The following SIM2 variants were observed in gnomAD, a reference collection of about 807,000 sequenced individuals.
The protein encoded by SIM2 is single-minded homolog 2.
A neutral mutation model predicts 64.8 loss-of-function variants in SIM2; 28 were observed. The observed-to-expected ratio is 0.43, with a 90% CI of 0.32 to 0.59. The LOEUF is 0.59. Among genes scored for constraint, SIM2 ranks in the 20% least tolerant of loss-of-function variants. SIM2 has a pLI of 0.07. For missense variants in SIM2, 847 were observed against 871.4 expected (o/e 0.97, Z 0.35); for synonymous variants, 408 against 391.1 (o/e 1.04, Z -0.51).
chr21:36,704,755 C>A (rs1485516882), intron 1 of SIM2, among the ~76,000 whole-genome samples: 1 of 152,220 alleles, frequency 6.6e-6, no homozygotes, highest in East Asian at 1.9e-4. Flanking sequence ...AGGATACCCG[C>A]GGGCGACAAG....
intron 8 of SIM2, among the ~76,000 whole-genome samples, chr21:36,742,346 G>T (rs2123501743): frequency 6.6e-6 from 1 of 151,678 alleles, no homozygotes; most frequent in African/African-American, 2.4e-5. Context: ...AATTAATCAT[G>T]GTGAATATTT....
At chr21:36,705,672 G>A (rs1048266984) in intron 1 of SIM2, among the ~76,000 whole-genome samples, 3 of 152,218 alleles carry the variant, frequency 2.0e-5, no homozygotes, top group African/African-American at 2.4e-5. Flanking sequence ...AGGGGGAGTC[G>A]GGAGGAGGTG....
chr21:36,744,156 C>T (rs1040499509), intron 9 of SIM2, among the ~76,000 whole-genome samples: 5 of 151,998 alleles, frequency 3.3e-5, no homozygotes, highest in Admixed American at 1.3e-4. Context: ...CGCTTGAACC[C>T]GGGAGGTGGA....
At chr21:36,706,903 C>T (rs2088592022) in intron 1 of SIM2, among the ~76,000 whole-genome samples, 2 of 152,186 alleles carry the variant, frequency 1.3e-5, no homozygotes, top group African/African-American at 4.8e-5. Flanking sequence ...TTGAACTGTG[C>T]GGGTATTTGA....
In SIM2 at chr21:36,734,428, G is replaced by T. The variant is rs2089016185; in HGVS notation, c.850+3277G>T. Reference sequence around the variant, plus strand: ...AATGAGCCAGAATTGGTAATTCAAAGAAAACAGAAAATAGCAAGATTGACA... The same window carrying T: ...AATGAGCCAGAATTGGTAATTCAAATAAAACAGAAAATAGCAAGATTGACA... On this transcript the variant is annotated intron_variant, in intron 7 of 10. Coordinates refer to ENST00000290399, the MANE Select transcript of SIM2 (RefSeq NM_005069.6). 2.0e-5 allele frequency among the ~76,000 whole-genome samples: 3 copies of T among 152,168 alleles called. 1 individual carries two copies. The highest frequency in any genetic ancestry group is 2.0e-4 in the Admixed American group (3 of 15,282).
intron 5 of SIM2, among the ~76,000 whole-genome samples, chr21:36,725,682 C>T (rs1343557145): frequency 2.0e-5 from 3 of 152,168 alleles, no homozygotes; most frequent in Non-Finnish European, 2.9e-5. Flanking sequence ...TGCAGTGGCA[C>T]AATCTCGGCT....
intron 4 of SIM2, among the ~76,000 whole-genome samples, chr21:36,722,123 A>G (rs2088830640): frequency 6.6e-6 from 1 of 152,176 alleles, no homozygotes; most frequent in South Asian, 2.1e-4. Context: ...GAACTTGGTA[A>G]TTGATGACCA....
Position 36,739,368 on chromosome 21 carries a change from A to G in SIM2, c.851-2349A>G, listed in dbSNP as rs553695390. ...AGTGTATGCACGTGCCCACTTTTTC[A>G]TAATTAGGGTTATACTTTACACATT... On this transcript the variant is annotated intron_variant, in intron 7 of 10. Coordinates refer to ENST00000290399, the MANE Select transcript of SIM2 (RefSeq NM_005069.6). 5.9e-4 allele frequency among the ~76,000 whole-genome samples: 90 copies of G among 152,274 alleles called. 2 individuals are homozygous for G.
At chr21:36,712,446 T>C in intron 2 of SIM2, 87 bp from the exon 3 acceptor site, 2 of 880,032 alleles carry the variant, frequency 2.3e-6, no homozygotes, top group Non-Finnish European at 3.7e-6. Context: ...ATTTGATGCA[T>C]CCCTCCATCC....
chr21:36,718,355 T>C (rs1372830226), intron 3 of SIM2, among the ~76,000 whole-genome samples: 1 of 152,198 alleles, frequency 6.6e-6, no homozygotes, highest in East Asian at 1.9e-4. Flanking sequence ...GGTTGTCCTG[T>C]TGCGTGAGGT....
Position 36,745,430 on chromosome 21 carries a change from G to C in SIM2, c.1576+294G>C. On this transcript the variant is annotated intron_variant, in intron 10 of 10. Coordinates refer to ENST00000290399, the MANE Select transcript of SIM2 (RefSeq NM_005069.6). The surrounding 1 kb of genome is among the most constrained non-coding windows in gnomAD (Gnocchi z 4.8). ...CCTGGCCACATTCACCAACCAAAGG[G>C]GGACAGTGATTTTCAAAACCAGCTC... 1 of 1,280,634 alleles carries C rather than the reference G, an allele frequency of 7.8e-7. No homozygotes were observed. Among genetic ancestry groups the C allele is most frequent in the African/African-American group, 1.5e-5 (1 of 66,342 alleles). 79.3% of individuals were successfully genotyped at this position (1,280,634 alleles called of 1,614,324 possible).
chr21:36,712,422 G>A, intron 2 of SIM2, 111 bp from the exon 3 acceptor site: 3 of 730,060 alleles, frequency 4.1e-6, no homozygotes, highest in Non-Finnish European at 4.7e-6. Flanking sequence ...TAGCAAGTAT[G>A]TGTTGATGGT....
chr21:36,739,366 T>C (rs533877420), intron 7 of SIM2, among the ~76,000 whole-genome samples: 1 of 152,342 alleles, frequency 6.6e-6, no homozygotes, highest in South Asian at 2.1e-4. Flanking sequence ...GCCCACTTTT[T>C]CATAATTAGG....
At chr21:36,725,135 C>T (rs2123461885) in intron 5 of SIM2, among the ~76,000 whole-genome samples, 1 of 152,160 alleles carries the variant, frequency 6.6e-6, no homozygotes. Context: ...TGCTTGAGCC[C>T]AGGGGTTCGA....
At position 36,738,657 on chromosome 21, in the gene SIM2, C is replaced by T. The variant is rs760339498; in HGVS notation, c.851-3060C>T. Among the ~76,000 whole-genome samples the T allele has an allele frequency of 7.9e-5, 12 of 152,352 alleles. No homozygotes were observed. In the South Asian group the frequency reaches 2.1e-3, roughly 26 times the overall value. The stretch of plus-strand genomic sequence containing the variant: ...CAGCTGTGCCCTCAAGCTCTGTTGG[C>T]CCCGGTTTCCTGGTGCTGCCCACCT... On this transcript the variant is annotated intron_variant, in intron 7 of 10. Transcript: ENST00000290399.
intron 5 of SIM2, among the ~76,000 whole-genome samples, chr21:36,725,260 G>A (rs2088875370): frequency 6.6e-6 from 1 of 152,168 alleles, no homozygotes; most frequent in Non-Finnish European, 1.5e-5. Context: ...TAAGGTGGGA[G>A]GATCACTTGA....
In SIM2 at chr21:36,699,586, C is replaced by A; in HGVS notation, c.-161C>A. 1.6e-6 allele frequency: 1 copy of A among 621,184 alleles called. No individual in the cohort carries two copies. The highest frequency in any genetic ancestry group is 2.5e-6 in the Non-Finnish European group (1 of 394,408). 38.5% of individuals were successfully genotyped at this position (621,184 alleles called of 1,614,324 possible). A position where few individuals can be genotyped will look rare whatever the true frequency, so the allele number is the denominator to read the frequency against. ...CTCAGGCCCGGCGGCTGCGGGGAGG[C>A]GTCTCGGAACCCCGGGAGGCCCCCC... is the stretch of plus-strand genomic sequence containing the variant. On this transcript the variant is annotated 5_prime_UTR_variant, in exon 1 of 11. Coordinates refer to ENST00000290399, the MANE Select transcript of SIM2 (RefSeq NM_005069.6). The surrounding 1 kb of genome is among the most constrained non-coding windows in gnomAD (Gnocchi z 5.6).
Position 36,731,027 on chromosome 21 carries a change from G to A in SIM2, c.744-18G>A. 1.3e-6 allele frequency: 2 copies of A among 1,592,408 alleles called. No individual in the cohort carries two copies. Among genetic ancestry groups the A allele is most frequent in the Non-Finnish European group, 1.7e-6 (2 of 1,160,760 alleles). On this transcript the variant is annotated intron_variant, in intron 6 of 10. Transcript: ENST00000290399. Reference sequence around the variant, plus strand: ...TCTGCAGAGTGGCGTAACTCACTGAGCTGCCATGCCCCCACAGGGTGACCG... The same window carrying A: ...TCTGCAGAGTGGCGTAACTCACTGAACTGCCATGCCCCCACAGGGTGACCG...
At chr21:36,716,773 T>G (rs529510441) in intron 3 of SIM2, among the ~76,000 whole-genome samples, 1 of 152,164 alleles carries the variant, frequency 6.6e-6, no homozygotes, top group African/African-American at 2.4e-5. Context: ...GTTAGCAGGG[T>G]TTTGCAAATA....
Sources: gnomAD v4.1 joint callset for allele counts (sites outside exome capture counted in the v4.1 genomes callset) on GRCh38, gnomAD v4.1.1 for gene constraint, Gnocchi (gnomAD v3.1) non-coding constraint, MANE v1.5 for transcripts, NCBI Gene and HGNC (gene_info 2026-07-23, HGNC 2026-07-21) for gene names.